SBSPON: variants seen among roughly 807,000 people sequenced by gnomAD.
The protein encoded by SBSPON is somatomedin B and thrombospondin type 1 domain containing.
A neutral mutation model predicts 35.8 loss-of-function variants in SBSPON; 30 were observed. The observed-to-expected ratio is 0.84, with a 90% CI of 0.63 to 1.14. SBSPON has a LOEUF of 1.14. SBSPON is among the 50% of genes most tolerant of loss of function. The probability of loss-of-function intolerance (pLI) is 0.00; values close to 1 mark genes in which losing one functional copy is unlikely to be tolerated. For missense variants in SBSPON, 364 were observed against 357.7 expected, an observed-to-expected ratio of 1.02 and a Z score of -0.14; for synonymous variants, 136 against 135.9, an observed-to-expected ratio of 1.00 and a Z score of 0.00.
Position 73,071,873 on chromosome 8 carries a change from G to A in SBSPON, c.410-3C>T, listed in dbSNP as rs774001658. On this transcript the variant is annotated splice_region_variant and splice_polypyrimidine_tract_variant and intron_variant, in intron 2 of 4. Coordinates refer to ENST00000297354, the MANE Select transcript of SBSPON (RefSeq NM_153225.4). The stretch of plus-strand genomic sequence containing the variant: ...AGAGGTAGTTATAAAGGCAGGAACT[G>A]GAAAAGGGAGATTTCTGTTGAATTC... 6.3e-7 allele frequency: 1 copy of A among 1,592,210 alleles called. No homozygotes were observed. Among genetic ancestry groups the A allele is most frequent in the Non-Finnish European group, 8.6e-7 (1 of 1,160,412 alleles).
intron 2 of SBSPON, among the ~76,000 whole-genome samples, chr8:73,074,916 C>A (rs1810564213): frequency 6.6e-6 from 1 of 152,104 alleles, no homozygotes; most frequent in African/African-American, 2.4e-5. Flanking sequence ...GGGTGTTATA[C>A]CAATTTCATT....
intron 2 of SBSPON, among the ~76,000 whole-genome samples, chr8:73,079,377 T>C (rs1056374941): frequency 2.0e-5 from 3 of 152,140 alleles, no homozygotes; most frequent in Admixed American, 2.0e-4. Flanking sequence ...AGTCTCATGC[T>C]GTGAGGACGT....
chr8:73,085,008 A>G (rs1810796761), intron 1 of SBSPON, among the ~76,000 whole-genome samples: 1 of 152,142 alleles, frequency 6.6e-6, no homozygotes, highest in African/African-American at 2.4e-5. Flanking sequence ...CCTCCTCCCT[A>G]GATAATGTTC....
intron 2 of SBSPON, chr8:73,075,676 G>T: frequency 1.0e-5 from 3 of 299,864 alleles, no homozygotes; most frequent in Non-Finnish European, 1.5e-5. Context: ...AATTAAATTT[G>T]CTTTGAGAAT....
Position 73,067,498 on chromosome 8 carries a change from A to C in SBSPON, c.678-40T>G. ...CGAAAGTGTTAGTTACACTAAAAGC[A>C]TACCGAAGAAAGGTCTAATTTACAG... On this transcript the variant is annotated intron_variant, in intron 4 of 4. Transcript: ENST00000297354. 2.4e-6 allele frequency: 3 copies of C among 1,238,442 alleles called. No homozygotes were observed. In the South Asian group the frequency reaches 3.6e-5, roughly 15 times the overall value. 76.7% of individuals were successfully genotyped at this position (1,238,442 alleles called of 1,614,324 possible).
intron 1 of SBSPON, among the ~76,000 whole-genome samples, chr8:73,092,121 CTG>C (rs1810946291): frequency 6.6e-6 from 1 of 152,182 alleles, no homozygotes. Context: ...GGACAAGGAA[CTG>C]TGAGATACTG....
At chr8:73,087,608 C>T (rs1368693075) in intron 1 of SBSPON, among the ~76,000 whole-genome samples, 3 of 152,198 alleles carry the variant, frequency 2.0e-5, no homozygotes, top group Non-Finnish European at 4.4e-5. Flanking sequence ...ATCGTAGACT[C>T]TGGCATCTTT....
intron 2 of SBSPON, 124 bp downstream of exon 2, chr8:73,080,895 C>T: frequency 1.3e-6 from 1 of 779,596 alleles, no homozygotes; most frequent in South Asian, 2.9e-5. Context: ...TTTGGGCAGC[C>T]TGGCCCATAC....
rs1810386094 is a variant in SBSPON, at chr8:73,066,265, T to G, written c.*1076A>C. 6.6e-6 allele frequency: 1 copy of G among 152,092 alleles called. No homozygotes were observed. Among genetic ancestry groups the G allele is most frequent in the Non-Finnish European group, 1.5e-5 (1 of 68,012 alleles). The allele number at this position is 152,092 out of a possible 1,614,324, so 9.4% of individuals were successfully genotyped here. ...TGGCAAAGTCAGGCTTTTCATGGAG[T>G]TCTGGTTGAGGAGTCCAAATTTGGC... On this transcript the variant is annotated 3_prime_UTR_variant, in exon 5 of 5. Coordinates refer to ENST00000297354, the MANE Select transcript of SBSPON (RefSeq NM_153225.4).
chr8:73,089,588 T>C (rs1361474553), intron 1 of SBSPON, among the ~76,000 whole-genome samples: 2 of 151,636 alleles, frequency 1.3e-5, no homozygotes, highest in African/African-American at 4.9e-5. Flanking sequence ...GTTGGGAGGA[T>C]TAAATGAGAC....
intron 1 of SBSPON, 46 bp downstream of exon 1, chr8:73,092,808 G>T: frequency 6.7e-7 from 1 of 1,498,942 alleles, no homozygotes; most frequent in Non-Finnish European, 9.2e-7. Context: ...GTGCCCGTTG[G>T]TTGCAGGCTA....
chr8:73,091,813 G>C (rs551115572), intron 1 of SBSPON, among the ~76,000 whole-genome samples: 3 of 152,186 alleles, frequency 2.0e-5, no homozygotes, highest in African/African-American at 7.2e-5. Context: ...GCCTGGCCAC[G>C]GGTTGAAGCC....
chr8:73,086,337 T>TTTTTAGTATTTTGTA (rs1204015991), intron 1 of SBSPON, among the ~76,000 whole-genome samples: 3 of 152,092 alleles, frequency 2.0e-5, no homozygotes, highest in African/African-American at 7.2e-5. Context: ...ATTTTTTGTA[T>TTTTTAGTATTTTGTA]TTTTAGTAGA....
chr8:73,067,572 G>A (rs1476033011), intron 4 of SBSPON, 114 bp from the exon 5 acceptor site: 3 of 406,564 alleles, frequency 7.4e-6, no homozygotes, highest in East Asian at 3.5e-5. Context: ...GAGCAATATA[G>A]TGAAACCCCG....
chr8:73,090,997 G>A lies in SBSPON; in HGVS notation c.214+1857C>T, dbSNP rs1810922209. Among the ~76,000 whole-genome samples the A allele has an allele frequency of 4.6e-5, 7 of 152,190 alleles. No homozygotes were observed. In the South Asian group the frequency reaches 1.2e-3, roughly 27 times the overall value. The stretch of plus-strand genomic sequence containing the variant: ...TTCCAATTCCTGGGAGCGCTGTCAG[G>A]TCTCACTAGAAAGCAAGTTCTTCTC... On this transcript the variant is annotated intron_variant, in intron 1 of 4. Transcript: ENST00000297354.
At chr8:73,092,781 G>T in intron 1 of SBSPON, 73 bp downstream of exon 1, 1 of 1,230,294 alleles carries the variant, frequency 8.1e-7, no homozygotes, top group Non-Finnish European at 1.2e-6. Context: ...GAGGTCCTTG[G>T]CACAGCGCCC....
chr8:73,084,471 G>C (rs1372428478), intron 1 of SBSPON, among the ~76,000 whole-genome samples: 2 of 152,096 alleles, frequency 1.3e-5, no homozygotes, highest in African/African-American at 4.8e-5. Flanking sequence ...TTCTGTTCCT[G>C]TGTGACCTGG....
Position 73,093,129 on chromosome 8 carries a change from G to C in SBSPON, c.-62C>G, listed in dbSNP as rs547996227. The C allele has an allele frequency of 3.9e-3, 3,594 of 924,028 alleles. 75 individuals are homozygous for C. The African/African-American group carries it at 0.056, about 14-fold the overall frequency. 57.2% of individuals were successfully genotyped at this position (924,028 alleles called of 1,614,324 possible). On this transcript the variant is annotated 5_prime_UTR_variant, in exon 1 of 5. Coordinates refer to ENST00000297354, the MANE Select transcript of SBSPON (RefSeq NM_153225.4). ...CCCCGGGGCAAGCGCTCTGATCCTC[G>C]GCTGGCCGCGGCCCGGGAGCTGCCC...
chr8:73,076,905 T>G (rs994316861), intron 2 of SBSPON, among the ~76,000 whole-genome samples: 3 of 151,772 alleles, frequency 2.0e-5, no homozygotes, highest in Non-Finnish European at 2.9e-5. Flanking sequence ...ATCTGTGGGG[T>G]TTTTTGTTTT....
Sources: gnomAD v4.1 joint callset for allele counts (sites outside exome capture counted in the v4.1 genomes callset) on GRCh38, gnomAD v4.1.1 for gene constraint, MANE v1.5 for transcripts, NCBI Gene and HGNC (gene_info 2026-07-23, HGNC 2026-07-21) for gene names.